The following TBCA variants were observed in gnomAD, a reference collection of about 807,000 sequenced individuals.
The protein encoded by TBCA is tubulin folding cofactor A.
In TBCA, 6 loss-of-function variants were observed where a neutral mutation model predicts 15.8. The ratio of observed to expected loss-of-function variants is 0.38; its 90% confidence interval spans 0.21 to 0.75. TBCA has a LOEUF of 0.75. Ranked by LOEUF, TBCA falls within the 30% of genes least tolerant of loss-of-function variation. The pLI is 0.46. For synonymous variants in TBCA, 32 were observed against 42.3 expected, an observed-to-expected ratio of 0.76 and a Z score of 0.94; for missense variants, 90 against 131.2, an observed-to-expected ratio of 0.69 and a Z score of 1.53.
At chr5:77,723,265 A>G (rs2112458495) in intron 1 of TBCA, among the ~76,000 whole-genome samples, 1 of 152,038 alleles carries the variant, frequency 6.6e-6, no homozygotes, top group African/African-American at 2.4e-5. Context: ...ATAAAGTATT[A>G]CAATTTTTTT....
chr5:77,721,352 G>T (rs1028841466), intron 1 of TBCA, among the ~76,000 whole-genome samples: 1 of 152,024 alleles, frequency 6.6e-6, no homozygotes, highest in African/African-American at 2.4e-5. Flanking sequence ...GCAGCGTATT[G>T]AACTAAGATT....
At chr5:77,728,485 T>C (rs1746680659) in intron 1 of TBCA, among the ~76,000 whole-genome samples, 2 of 152,034 alleles carry the variant, frequency 1.3e-5, no homozygotes. Context: ...AAAATCTGAC[T>C]AGGGAAAGGA....
intron 1 of TBCA, among the ~76,000 whole-genome samples, chr5:77,731,986 C>T (rs995620920): frequency 2.7e-4 from 41 of 152,236 alleles, no homozygotes; most frequent in African/African-American, 8.2e-4. Context: ...TACACTATCC[C>T]GGTCTCCACA....
At chr5:77,728,556 A>G (rs1746683577) in intron 1 of TBCA, among the ~76,000 whole-genome samples, 1 of 152,208 alleles carries the variant, frequency 6.6e-6, no homozygotes, top group African/African-American at 2.4e-5. Flanking sequence ...AAACCTCAAC[A>G]ACTTGATAAT....
intron 2 of TBCA, among the ~76,000 whole-genome samples, chr5:77,704,580 G>A (rs533372146): frequency 6.6e-6 from 1 of 152,244 alleles, no homozygotes; most frequent in South Asian, 2.1e-4. Context: ...TTCTATGAAA[G>A]GCACAATAAA....
chr5:77,769,023 T>C (rs1197151390), intron 1 of TBCA, among the ~76,000 whole-genome samples: 2 of 152,238 alleles, frequency 1.3e-5, no homozygotes, highest in African/African-American at 2.4e-5. Context: ...GAGAATAAAA[T>C]ACCTTGTGTT....
chr5:77,709,906 A>C (rs1044342898), intron 1 of TBCA, among the ~76,000 whole-genome samples: 2 of 152,220 alleles, frequency 1.3e-5, no homozygotes, highest in Non-Finnish European at 2.9e-5. Context: ...GTCTGACATA[A>C]AAGGCTACAT....
rs575689070 is a variant in TBCA, at chr5:77,760,589, G to A, written c.53+15616C>T. On this transcript the variant is annotated intron_variant, in intron 1 of 3. Transcript: ENST00000380377. Reference sequence around the variant, plus strand: ...AGGCACGCGCCACCACGCCTGACTGGTTTTTGTATTTTTGGTGGAAACGGG... The same window carrying A: ...AGGCACGCGCCACCACGCCTGACTGATTTTTGTATTTTTGGTGGAAACGGG... Among the ~76,000 whole-genome samples, 13 of 152,270 alleles carry A rather than the reference G, an allele frequency of 8.5e-5. No individual in the cohort carries two copies. In the East Asian group the frequency reaches 2.5e-3, roughly 29 times the overall value.
At chr5:77,710,155 T>C (rs955440320) in intron 1 of TBCA, among the ~76,000 whole-genome samples, 10 of 152,070 alleles carry the variant, frequency 6.6e-5, no homozygotes, top group African/African-American at 2.2e-4. Flanking sequence ...GTTAATTGTA[T>C]GGTATGTGAA....
chr5:77,727,299 T>A (rs1746651154), intron 1 of TBCA, among the ~76,000 whole-genome samples: 1 of 151,212 alleles, frequency 6.6e-6, no homozygotes, highest in South Asian at 2.1e-4. Flanking sequence ...TTTTAGAGAT[T>A]TAGTATCAGA....
At position 77,776,319 on chromosome 5, in the gene TBCA, G is replaced by T; in HGVS notation, c.-62C>A. 6.5e-7 allele frequency: 1 copy of T among 1,541,372 alleles called. No homozygotes were observed. The highest frequency in any genetic ancestry group is 1.2e-5 in the South Asian group (1 of 83,838). On this transcript the variant is annotated 5_prime_UTR_variant, in exon 1 of 4. Coordinates refer to ENST00000380377, the MANE Select transcript of TBCA (RefSeq NM_004607.3). ...CCGGGGTAACCGTGGAGGGCGACGC[G>T]CAGAGGCTGCGGCTATTTAGGCGTG...
At chr5:77,747,347 C>T (rs1375104794) in intron 1 of TBCA, among the ~76,000 whole-genome samples, 3 of 151,904 alleles carry the variant, frequency 2.0e-5, no homozygotes, top group African/African-American at 4.8e-5. Context: ...ATAACTTCTA[C>T]AAAAAAATTT....
chr5:77,744,182 G>T (rs989427178), intron 1 of TBCA, among the ~76,000 whole-genome samples: 1 of 152,044 alleles, frequency 6.6e-6, no homozygotes, highest in Non-Finnish European at 1.5e-5. Context: ...TCAATCTCAA[G>T]ATCCCACTCA....
intron 3 of TBCA, chr5:77,692,563 G>T (rs1745778323): frequency 8.1e-6 from 8 of 983,350 alleles, no homozygotes; most frequent in African/African-American, 1.8e-5. Context: ...GGGATTACAG[G>T]CATGAGCCAC....
intron 1 of TBCA, among the ~76,000 whole-genome samples, chr5:77,711,867 T>C (rs531920180): frequency 5.9e-5 from 9 of 152,262 alleles, no homozygotes; most frequent in African/African-American, 9.6e-5. Context: ...TGCATGGTTA[T>C]TGGAATATCA....
intron 1 of TBCA, among the ~76,000 whole-genome samples, chr5:77,720,872 C>T (rs1213754778): frequency 6.6e-6 from 1 of 152,080 alleles, no homozygotes; most frequent in East Asian, 1.9e-4. Flanking sequence ...TAACTTAGAT[C>T]CAAAAGAGAT....
chr5:77,748,170 A>G (rs1486710345), intron 1 of TBCA, among the ~76,000 whole-genome samples: 2 of 150,560 alleles, frequency 1.3e-5, no homozygotes, highest in African/African-American at 5.0e-5. Flanking sequence ...AGTTTCAAGG[A>G]CTAAATGTTA....
At chr5:77,753,565 C>G (rs1747405274) in intron 1 of TBCA, among the ~76,000 whole-genome samples, 1 of 152,154 alleles carries the variant, frequency 6.6e-6, no homozygotes. Flanking sequence ...GGTATAGCTT[C>G]TGAGATATCG....
chr5:77,753,375 C>G (rs1489868276), intron 1 of TBCA, among the ~76,000 whole-genome samples: 2 of 152,226 alleles, frequency 1.3e-5, no homozygotes, highest in African/African-American at 4.8e-5. Context: ...TTTCTCCTGA[C>G]ACATATACAG....
Sources: allele counts gnomAD v4.1 joint callset (sites outside exome capture counted in the v4.1 genomes callset), GRCh38; gene constraint gnomAD v4.1.1; transcripts MANE v1.5; gene names NCBI Gene and HGNC (gene_info 2026-07-23, HGNC 2026-07-21).